The following DHRS9 variants were observed in gnomAD, a reference collection of about 807,000 sequenced individuals.
DHRS9 encodes dehydrogenase/reductase SDR family member 9.
A neutral mutation model predicts 26.6 loss-of-function variants in DHRS9; 18 were observed. That is an observed-to-expected ratio of 0.68 (90% CI 0.47 to 1.00). The LOEUF is 1.00. Among genes scored for constraint, DHRS9 ranks in the 50% least tolerant of loss-of-function variants. The pLI is 0.00. For synonymous variants in DHRS9, 134 were observed against 141.1 expected (o/e 0.95, Z 0.36); for missense variants, 425 against 378.7 (o/e 1.12, Z -1.01).
At chr2:169,078,735 A>C (rs548235362) in intron 1 of DHRS9, among the ~76,000 whole-genome samples, 1 of 151,764 alleles carries the variant, frequency 6.6e-6, no homozygotes, top group Non-Finnish European at 1.5e-5. Context: ...CTTCAGAAAT[A>C]GCTGTAGCTA....
At chr2:169,083,668 G>C (rs1382218172) in intron 3 of DHRS9, 81 bp downstream of exon 3, 1 of 1,490,122 alleles carries the variant, frequency 6.7e-7, no homozygotes, top group Non-Finnish European at 9.0e-7. Flanking sequence ...ATCCTATTTA[G>C]TACCTTTCAA....
chr2:169,086,113 T>A (rs935133198), intron 3 of DHRS9, among the ~76,000 whole-genome samples: 1 of 152,080 alleles, frequency 6.6e-6, no homozygotes, highest in African/African-American at 2.4e-5. Flanking sequence ...ATAAAGCCAG[T>A]AACTCAGATT....
At chr2:169,079,715 G>A (rs1373408628) in intron 1 of DHRS9, among the ~76,000 whole-genome samples, 2 of 151,396 alleles carry the variant, frequency 1.3e-5, no homozygotes, top group African/African-American at 4.9e-5. Context: ...TTAGCCGGGT[G>A]CCTGTAATGG....
chr2:169,091,731 A>G (rs1684533348), intron 3 of DHRS9, 59 bp from the exon 4 acceptor site: 1 of 1,523,844 alleles, frequency 6.6e-7, no homozygotes, highest in South Asian at 1.2e-5. Flanking sequence ...AGTCACTCAA[A>G]TAGCAAATAT....
intron 1 of DHRS9, among the ~76,000 whole-genome samples, chr2:169,075,943 T>G (rs1373912666): frequency 6.6e-6 from 1 of 152,174 alleles, no homozygotes; most frequent in East Asian, 1.9e-4. Flanking sequence ...TCTCTTTAAT[T>G]TGAAAGTATA....
chr2:169,083,253 C>T, intron 2 of DHRS9, 76 bp from the exon 3 acceptor site: 1 of 1,535,030 alleles, frequency 6.5e-7, no homozygotes, highest in Non-Finnish European at 8.9e-7. Flanking sequence ...TTGTGCAAAG[C>T]AGGGGCTGTA....
At chr2:169,082,468 A>C (rs906074952) in intron 2 of DHRS9, among the ~76,000 whole-genome samples, 4 of 152,198 alleles carry the variant, frequency 2.6e-5, no homozygotes, top group African/African-American at 9.7e-5. Context: ...TTGGCTTTGA[A>C]TGAAGTGTGA....
chr2:169,073,346 A>G (rs570006032), intron 1 of DHRS9, among the ~76,000 whole-genome samples: 1 of 152,348 alleles, frequency 6.6e-6, no homozygotes, highest in East Asian at 1.9e-4. Context: ...AGTGAAGATA[A>G]TTTTGTCGTA....
chr2:169,081,262 T>A, intron 1 of DHRS9: 1 of 834,626 alleles, frequency 1.2e-6, no homozygotes, highest in Non-Finnish European at 1.6e-6. Context: ...ATGGCTTGTG[T>A]CAATTTTGCC....
rs1428117252 is a variant in DHRS9 at position 169,074,306 on chromosome 2, ATAG to A, written c.-60+4591_-60+4593del. ...TAATTTGTCCGAGGGCCCTCTGATGATAGTGAAACTGGGATGGAACCTCTGCCT... is the reference window on the plus strand; with the variant it reads ...TAATTTGTCCGAGGGCCCTCTGATGATGAAACTGGGATGGAACCTCTGCCT... On this transcript the variant is annotated intron_variant, in intron 1 of 4. Coordinates refer to ENST00000674881, the MANE Select transcript of DHRS9 (RefSeq NM_001376924.1). 7 of 985,444 alleles carry A rather than the reference ATAG, an allele frequency of 7.1e-6. No individual in the cohort carries two copies. The African/African-American group carries it at 1.2e-4, about 17-fold the overall frequency. The allele number at this position is 985,444 out of a possible 1,614,324, so 61.0% of individuals were successfully genotyped here. A position where few individuals can be genotyped will look rare whatever the true frequency, so the allele number is the denominator to read the frequency against.
rs140617167 is a variant in DHRS9, at chr2:169,069,974, T to G, written c.-60+257T>G. On this transcript the variant is annotated intron_variant, in intron 1 of 4. Coordinates refer to ENST00000674881, the MANE Select transcript of DHRS9 (RefSeq NM_001376924.1). ...CTTTGAATGTCCTTTAGCACCCTAG[T>G]GTCCCAATTCAATTCATATTTTATT... Among the ~76,000 whole-genome samples, 235 of 152,302 alleles carry G rather than the reference T, an allele frequency of 1.5e-3. 1 individual carries two copies. The East Asian group carries it at 0.016, about 11-fold the overall frequency.
chr2:169,078,815 C>CTTTTTTTTTTT lies in DHRS9; in HGVS notation c.-59-2692_-59-2682dup, dbSNP rs200691133. On this transcript the variant is annotated intron_variant, in intron 1 of 4. Coordinates refer to ENST00000674881, the MANE Select transcript of DHRS9 (RefSeq NM_001376924.1). ...CTCTGACTTAATTTTTATCAACTGA[C>CTTTTTTTTTTT]TTTTTTTTTTTTTTTTTTTTTTTTT... Among the ~76,000 whole-genome samples, 119 of 110,346 alleles carry CTTTTTTTTTTT rather than the reference C, an allele frequency of 1.1e-3. 10 individuals carry two copies. The highest frequency in any genetic ancestry group is 3.8e-3 in the African/African-American group (101 of 26,650). 72.4% of individuals were successfully genotyped at this position (110,346 alleles called of 152,430 possible).
At chr2:169,081,391 A>G (rs1684176279) in intron 1 of DHRS9, 132 bp from the exon 2 acceptor site, 2 of 1,209,166 alleles carry the variant, frequency 1.7e-6, no homozygotes, top group Non-Finnish European at 2.2e-6. Flanking sequence ...AAACAACCAA[A>G]TAAGAGTTAT....
chr2:169,077,486 A>G (rs975351768), intron 1 of DHRS9, among the ~76,000 whole-genome samples: 1 of 152,208 alleles, frequency 6.6e-6, no homozygotes, highest in Non-Finnish European at 1.5e-5. Context: ...AACAAATGCA[A>G]TGTAACATGA....
At chr2:169,092,729 G>A (rs546247371) in intron 4 of DHRS9, among the ~76,000 whole-genome samples, 1 of 152,170 alleles carries the variant, frequency 6.6e-6, no homozygotes, top group Non-Finnish European at 1.5e-5. Context: ...AGCCTTCCTG[G>A]TCAAGAGATT....
Position 169,069,658 on chromosome 2 carries a change from G to A in DHRS9, c.-119G>A, listed in dbSNP as rs1052758131. ...TTCCTTCCCCGTGCACAGCAGGAAAGCTGCCATCAGCTGAGCAAGTCCACC... is the reference window on the plus strand; with the variant it reads ...TTCCTTCCCCGTGCACAGCAGGAAAACTGCCATCAGCTGAGCAAGTCCACC... On this transcript the variant is annotated 5_prime_UTR_variant, in exon 1 of 5. Transcript: ENST00000674881. The A allele has an allele frequency of 3.0e-6, 3 of 985,358 alleles. No homozygotes were observed. Among genetic ancestry groups the A allele is most frequent in the Admixed American group, 1.2e-4 (2 of 16,264 alleles). The allele number at this position is 985,358 out of a possible 1,614,324, so 61.0% of individuals were successfully genotyped here.
intron 1 of DHRS9, among the ~76,000 whole-genome samples, chr2:169,071,085 CAAA>C (rs1426778295): frequency 6.7e-6 from 1 of 148,170 alleles, no homozygotes; most frequent in Non-Finnish European, 1.5e-5. Flanking sequence ...ACAACAACAA[CAAA>C]AAACTCAGAC....
chr2:169,069,087 A>G (rs1171650376), upstream of DHRS9, among the ~76,000 whole-genome samples: 1 of 151,980 alleles, frequency 6.6e-6, no homozygotes, highest in Non-Finnish European at 1.5e-5. Context: ...TAATTCCAAA[A>G]CCTCATTTTA....
rs181639539 is a variant in DHRS9 at position 169,089,467 on chromosome 2, C to T, written c.573-2323C>T. Among the ~76,000 whole-genome samples the T allele has an allele frequency of 1.1e-3, 171 of 152,136 alleles. 1 individual carries two copies. The highest frequency in any genetic ancestry group is 2.6e-3 in the Admixed American group (40 of 15,290). On this transcript the variant is annotated intron_variant, in intron 3 of 4. Coordinates refer to ENST00000674881, the MANE Select transcript of DHRS9 (RefSeq NM_001376924.1). Reference sequence around the variant, plus strand: ...TGGAGGAAAGGACTAGAGAAGCAAGCGGAAGATATTCAGCTGAGTGGTGCC... The same window carrying T: ...TGGAGGAAAGGACTAGAGAAGCAAGTGGAAGATATTCAGCTGAGTGGTGCC...
Sources: gnomAD v4.1 joint callset for allele counts (sites outside exome capture counted in the v4.1 genomes callset) on GRCh38, gnomAD v4.1.1 for gene constraint, MANE v1.5 for transcripts, NCBI Gene and HGNC (gene_info 2026-07-23, HGNC 2026-07-21) for gene names.